The following CGNL1 variants were observed in gnomAD, a reference collection of about 807,000 sequenced individuals.
The protein encoded by CGNL1 is cingulin like 1.
In CGNL1, 132 loss-of-function variants were observed where a neutral mutation model predicts 141.2. That is an observed-to-expected ratio of 0.93 (90% CI 0.81 to 1.08). The LOEUF (loss-of-function observed/expected upper bound fraction) is 1.08. CGNL1 is among the 50% of genes least tolerant of loss of function. The probability of loss-of-function intolerance (pLI) is 0.00; values close to 1 mark genes in which losing one functional copy is unlikely to be tolerated. For synonymous variants in CGNL1, 690 were observed against 622.1 expected, an observed-to-expected ratio of 1.11 and a Z score of -1.63; for missense variants, 1,870 against 1,588.6, an observed-to-expected ratio of 1.18 and a Z score of -3.01.
chr15:57,381,262 A>T lies in CGNL1; in HGVS notation c.-16+4695A>T, dbSNP rs77155975. Among the ~76,000 whole-genome samples, 579 of 152,244 alleles carry T rather than the reference A, an allele frequency of 3.8e-3. 5 individuals carry two copies. Among genetic ancestry groups the T allele is most frequent in the African/African-American group, 0.013 (554 of 41,566 alleles). ...GCCCAAGGAGGTGCTGAATCCTGCA[A>T]AGGTGCATAGTAGTTGACAGTGGCA... On this transcript the variant is annotated intron_variant, in intron 1 of 18. Transcript: ENST00000281282.
At chr15:57,514,684 C>G (rs983031805) in intron 8 of CGNL1, among the ~76,000 whole-genome samples, 5 of 152,014 alleles carry the variant, frequency 3.3e-5, no homozygotes, top group African/African-American at 1.2e-4. Context: ...TTTGCCTAAC[C>G]CAAGGTCACA....
rs1452547997 is a variant in CGNL1 at position 57,548,202 on chromosome 15, T to C, written c.*712T>C. 1 of 152,118 alleles carries C rather than the reference T, an allele frequency of 6.6e-6. No individual in the cohort carries two copies. Among genetic ancestry groups the C allele is most frequent in the African/African-American group, 2.4e-5 (1 of 41,412 alleles). 9.4% of individuals were successfully genotyped at this position (152,118 alleles called of 1,614,324 possible). On this transcript the variant is annotated 3_prime_UTR_variant, in exon 19 of 19. Coordinates refer to ENST00000281282, the MANE Select transcript of CGNL1 (RefSeq NM_032866.5). ...ATTTAGTAGAGACGGGGTTTCACCATGTTGGTCAGGCTGGTCTTGAACTCC... is the reference window on the plus strand; with the variant it reads ...ATTTAGTAGAGACGGGGTTTCACCACGTTGGTCAGGCTGGTCTTGAACTCC...
At chr15:57,437,956 CCT>C in intron 1 of CGNL1, 27 bp from the exon 2 acceptor site, 1 of 1,556,386 alleles carries the variant, frequency 6.4e-7, no homozygotes, top group Non-Finnish European at 8.7e-7. Flanking sequence ...AACCTAATGT[CCT>C]CTTTTTACCC....
intron 8 of CGNL1, among the ~76,000 whole-genome samples, chr15:57,511,583 AG>A (rs1203617032): frequency 6.6e-6 from 1 of 152,230 alleles, no homozygotes; most frequent in Non-Finnish European, 1.5e-5. Context: ...TAGCCCCACC[AG>A]CAATCGATGA....
rs142999174 is a variant in CGNL1 at position 57,506,700 on chromosome 15, C to G, written c.2404-10080C>G. Among the ~76,000 whole-genome samples the G allele has an allele frequency of 2.6e-5, 4 of 152,232 alleles. No individual in the cohort carries two copies. The East Asian group carries it at 7.7e-4, about 29-fold the overall frequency. ...GGTCACAAGCAAGGAGTCAGAGAAC[C>G]GGGTTCAAGTCCTGGGTGTGTGACT... On this transcript the variant is annotated intron_variant, in intron 8 of 18. Transcript: ENST00000281282.
rs1278903035 is a variant in CGNL1, at chr15:57,513,185, G to A, written c.2404-3595G>A. On this transcript the variant is annotated intron_variant, in intron 8 of 18. Coordinates refer to ENST00000281282, the MANE Select transcript of CGNL1 (RefSeq NM_032866.5). ...CTGTACCTCCCTGTAGCAGCCCAGGGCAATCACTAATCTATTTTCTGTCTC... is the reference window on the plus strand; with the variant it reads ...CTGTACCTCCCTGTAGCAGCCCAGGACAATCACTAATCTATTTTCTGTCTC... 3.3e-5 allele frequency among the ~76,000 whole-genome samples: 5 copies of A among 151,502 alleles called. No individual in the cohort carries two copies. In the East Asian group the frequency reaches 9.7e-4, roughly 29 times the overall value.
intron 1 of CGNL1, among the ~76,000 whole-genome samples, chr15:57,428,342 G>A (rs1456998818): frequency 6.6e-6 from 1 of 152,190 alleles, no homozygotes. Context: ...TGCTGCCCCT[G>A]GCCCAGGTGT....
intron 1 of CGNL1, among the ~76,000 whole-genome samples, chr15:57,423,943 C>T (rs1254688471): frequency 1.3e-5 from 2 of 152,246 alleles, no homozygotes; most frequent in African/African-American, 4.8e-5. Flanking sequence ...GCTGGAGCTC[C>T]ATCCTCGCTT....
intron 14 of CGNL1, among the ~76,000 whole-genome samples, chr15:57,540,669 C>T (rs2032516043): frequency 6.6e-6 from 1 of 152,178 alleles, no homozygotes; most frequent in Admixed American, 6.5e-5. Flanking sequence ...TGGGCAGTCA[C>T]CCAGTGCACC....
intron 1 of CGNL1, among the ~76,000 whole-genome samples, chr15:57,385,069 T>C (rs1205043346): frequency 6.6e-6 from 1 of 152,232 alleles, no homozygotes; most frequent in Non-Finnish European, 1.5e-5. Context: ...TGCAGACTAC[T>C]GAGTGAATCA....
intron 8 of CGNL1, among the ~76,000 whole-genome samples, chr15:57,508,342 A>G (rs1448560881): frequency 1.3e-5 from 2 of 152,218 alleles, no homozygotes; most frequent in Admixed American, 6.5e-5. Flanking sequence ...TTCTTGGAGC[A>G]TGGGATTTAA....
Position 57,528,751 on chromosome 15 carries a change from A to T in CGNL1, c.3137A>T (p.Glu1046Val). The T allele has an allele frequency of 6.2e-7, 1 of 1,614,158 alleles. No homozygotes were observed. Among genetic ancestry groups the T allele is most frequent in the Non-Finnish European group, 8.5e-7 (1 of 1,180,026 alleles). ...CTGGAGCAGACGCTGAAGGACCTGG[A>T]GTATGAGCTGGAAGCCAAGAGTCAC... is the stretch of plus-strand genomic sequence containing the variant. ...QLLEQTLKDL[E>V]YELEAKSHLK... is the part of the protein sequence containing the mutation. Residue 1046 changes from glutamate (E) to valine (V), a missense_variant, in exon 13 of 19, where the codon GAG (glutamate) becomes GTG (valine). Transcript: ENST00000281282.
intron 10 of CGNL1, among the ~76,000 whole-genome samples, chr15:57,520,121 C>G (rs1451848954): frequency 6.6e-6 from 1 of 152,138 alleles, no homozygotes; most frequent in Non-Finnish European, 1.5e-5. Context: ...AGTGTGTGGC[C>G]GTGTTAGCCA....
intron 1 of CGNL1, among the ~76,000 whole-genome samples, chr15:57,396,444 T>A (rs1878346931): frequency 6.6e-6 from 1 of 151,948 alleles, no homozygotes; most frequent in South Asian, 2.1e-4. Context: ...TGGCTAATTT[T>A]TAATTTTTAA....
At chr15:57,471,697 A>G (rs1158348091) in intron 8 of CGNL1, among the ~76,000 whole-genome samples, 1 of 152,200 alleles carries the variant, frequency 6.6e-6, no homozygotes, top group East Asian at 1.9e-4. Context: ...CCTGCGATGA[A>G]CAGTGATGAG....
Position 57,516,996 on chromosome 15 carries a change from G to T in CGNL1, c.2610+10G>T, listed in dbSNP as rs767653583. The T allele has an allele frequency of 3.8e-5, 61 of 1,608,874 alleles. No individual in the cohort carries two copies. Among genetic ancestry groups the T allele is most frequent in the Non-Finnish European group, 5.0e-5 (59 of 1,178,122 alleles). On this transcript the variant is annotated intron_variant, in intron 9 of 18. Transcript: ENST00000281282. Reference sequence around the variant, plus strand: ...GCTGAAGAAGTACGAGGTGAGGCTCGCTGGGCCCAGGCCCAGCTTTGGCAG... The same window carrying T: ...GCTGAAGAAGTACGAGGTGAGGCTCTCTGGGCCCAGGCCCAGCTTTGGCAG...
chr15:57,449,288 C>A (rs1315787277), intron 4 of CGNL1, among the ~76,000 whole-genome samples: 8 of 152,238 alleles, frequency 5.3e-5, no homozygotes, highest in Admixed American at 3.9e-4. Flanking sequence ...CCTCTCTCCT[C>A]TCTCATACCC....
At chr15:57,522,127 C>G (rs1175700017) in intron 10 of CGNL1, among the ~76,000 whole-genome samples, 2 of 152,218 alleles carry the variant, frequency 1.3e-5, no homozygotes, top group African/African-American at 2.4e-5. Context: ...CCCCCCCACA[C>G]TGAACTTCTG....
chr15:57,479,539 T>C (rs1161224578), intron 8 of CGNL1, among the ~76,000 whole-genome samples: 1 of 151,968 alleles, frequency 6.6e-6, no homozygotes, highest in Non-Finnish European at 1.5e-5. Flanking sequence ...TGGTGCATGC[T>C]TGTAATCCTA....
Sources: allele counts gnomAD v4.1 joint callset (sites outside exome capture counted in the v4.1 genomes callset), GRCh38; gene constraint gnomAD v4.1.1; transcripts MANE v1.5; gene names NCBI Gene and HGNC (gene_info 2026-07-23, HGNC 2026-07-21).